LTBR: variants seen among roughly 807,000 people sequenced by gnomAD.
The protein encoded by LTBR is tumor necrosis factor receptor superfamily member 3.
In LTBR, 15 loss-of-function variants were observed where a neutral mutation model predicts 45.4. That is an observed-to-expected ratio of 0.33 (90% CI 0.22 to 0.51). The LOEUF (loss-of-function observed/expected upper bound fraction) is 0.51, where lower values mean the gene tolerates loss of function less well. Ranked by LOEUF, LTBR falls within the 20% of genes least tolerant of loss-of-function variation. The pLI is 0.97. For missense variants in LTBR, 450 were observed against 565.5 expected (o/e 0.80, Z 2.07); for synonymous variants, 228 against 231.0 (o/e 0.99, Z 0.12).
At position 6,386,296 on chromosome 12, in the gene LTBR, A is replaced by G; in HGVS notation, c.570-51A>G. ...TCCCCGCCTGCCCAGTGGAGTCGGG[A>G]CACTGGTGGGCCAGGGCGTGAAAAG... On this transcript the variant is annotated intron_variant, in intron 5 of 9. Coordinates refer to ENST00000228918, the MANE Select transcript of LTBR (RefSeq NM_002342.3). This position sits in a 1 kb window ranked among gnomAD's most constrained non-coding sequence, Gnocchi z 4.1. The G allele has an allele frequency of 1.3e-6, 2 of 1,545,248 alleles. No individual in the cohort carries two copies. Among genetic ancestry groups the G allele is most frequent in the Non-Finnish European group, 1.8e-6 (2 of 1,119,022 alleles).
At position 6,390,285 on chromosome 12, in the gene LTBR, G is replaced by A. The variant is rs1470479134; in HGVS notation, c.975G>A (p.Leu325=). The A allele has an allele frequency of 5.0e-6, 8 of 1,613,708 alleles. No individual in the cohort carries two copies. The African/African-American group carries it at 6.7e-5, about 13-fold the overall frequency. The change falls in exon 9 of 10, where the codon CTG becomes CTA. Residue 325 remains leucine (L), a synonymous_variant. Transcript: ENST00000228918. ...GGGTGCCGCAACAGCAGAGTCCTCT[G>A]GACCTGACCAGGGAGCCGCAGTTGG... ...EAGVPQQQSP[L]DLTREPQLEP...
Position 6,386,582 on chromosome 12 carries a change from T to A in LTBR, c.667+138T>A. ...AGAAGAAAGTTCCTTACAGAAAAAA[T>A]TGGAGTATCTCTAGGCTAGTTTACA... On this transcript the variant is annotated intron_variant, in intron 6 of 9. Transcript: ENST00000228918. The surrounding 1 kb of genome is among the most constrained non-coding windows in gnomAD (Gnocchi z 4.1). 1.5e-6 allele frequency: 1 copy of A among 648,272 alleles called. No individual in the cohort carries two copies. The highest frequency in any genetic ancestry group is 2.7e-6 in the Non-Finnish European group (1 of 365,296). 40.2% of individuals were successfully genotyped at this position (648,272 alleles called of 1,614,324 possible).
At chr12:6,383,972 C>G, upstream of LTBR, 3 of 1,077,676 alleles carry the variant, frequency 2.8e-6, no homozygotes, top group Non-Finnish European at 2.3e-6. Flanking sequence ...CCGCAGTCCG[C>G]TCTCCCGATC....
At chr12:6,385,655 C>G (rs1237824131) in intron 4 of LTBR, 1 of 473,832 alleles carries the variant, frequency 2.1e-6, no homozygotes, top group Non-Finnish European at 3.8e-6. Context: ...GCCTGTAATC[C>G]CAGCACTTTG....
chr12:6,384,966 G>A (rs1049575170), intron 2 of LTBR, 56 bp from the exon 3 acceptor site: 1 of 1,608,912 alleles, frequency 6.2e-7, no homozygotes, highest in African/African-American at 1.3e-5. Flanking sequence ...TACAGGCAGC[G>A]GAGGTGAGGG....
At chr12:6,383,738 G>T (rs879742232), upstream of LTBR, among the ~76,000 whole-genome samples, 9 of 152,228 alleles carry the variant, frequency 5.9e-5, no homozygotes, top group African/African-American at 9.6e-5. Flanking sequence ...GGAGGAACCC[G>T]GGCATCTGCC....
upstream of LTBR, chr12:6,375,164 T>C (rs72645129): frequency 2.5e-3 from 3,587 of 1,459,988 alleles, 82 homozygotes; most frequent in African/African-American, 0.044. Context: ...TTTGGTCTTC[T>C]TCCTCCAGGA....
intron 2 of LTBR, 24 bp downstream of exon 2, chr12:6,384,708 C>CA (rs2136927566): frequency 1.2e-6 from 2 of 1,608,872 alleles, no homozygotes; most frequent in East Asian, 4.5e-5. Flanking sequence ...GCAGGACGAA[C>CA]CTGGGCCTCG....
At chr12:6,380,249 C>T (rs768295030), upstream of LTBR, among the ~76,000 whole-genome samples, 6 of 152,178 alleles carry the variant, frequency 3.9e-5, no homozygotes, top group Non-Finnish European at 8.8e-5. Flanking sequence ...GCATTGTCAC[C>T]ACTGAAAATG....
rs1275970891 is a variant in LTBR at position 6,386,574 on chromosome 12, A to G, written c.667+130A>G. On this transcript the variant is annotated intron_variant, in intron 6 of 9. Coordinates refer to ENST00000228918, the MANE Select transcript of LTBR (RefSeq NM_002342.3). This position sits in a 1 kb window ranked among gnomAD's most constrained non-coding sequence, Gnocchi z 4.1. ...ATTGGGCAAGAAGAAAGTTCCTTACAGAAAAAATTGGAGTATCTCTAGGCT... is the reference window on the plus strand; with the variant it reads ...ATTGGGCAAGAAGAAAGTTCCTTACGGAAAAAATTGGAGTATCTCTAGGCT... The G allele has an allele frequency of 7.2e-6, 5 of 692,430 alleles. No individual in the cohort carries two copies. Among genetic ancestry groups the G allele is most frequent in the Non-Finnish European group, 1.2e-5 (5 of 400,410 alleles). The allele number at this position is 692,430 out of a possible 1,614,324, so 42.9% of individuals were successfully genotyped here.
At chr12:6,389,852 G>T in intron 8 of LTBR, 1 of 434,272 alleles carries the variant, frequency 2.3e-6, no homozygotes, top group Non-Finnish European at 4.1e-6. Flanking sequence ...CTACTCAGGA[G>T]GCTGAGGCTA....
In LTBR at chr12:6,388,153, C is replaced by T; in HGVS notation, c.668-245C>T. 2.1e-6 allele frequency: 1 copy of T among 484,606 alleles called. No individual in the cohort carries two copies. Among genetic ancestry groups the T allele is most frequent in the Non-Finnish European group, 3.8e-6 (1 of 263,470 alleles). The allele number at this position is 484,606 out of a possible 1,614,324, so 30.0% of individuals were successfully genotyped here. ...GGCACCCACACCACCCCCAAACATG[C>T]CCATCCATGATACAGTCTCTCCTGG... On this transcript the variant is annotated intron_variant, in intron 6 of 9. Transcript: ENST00000228918. This position sits in a 1 kb window ranked among gnomAD's most constrained non-coding sequence, Gnocchi z 4.3.
Position 6,376,265 on chromosome 12 carries a change from C to T in LTBR, c.39+671C>T. ...CTGATTCCTCGCCACCCCCTCCAAC[C>T]TTGTCCAGACCCGGGAGGGGCCCAG... is the stretch of plus-strand genomic sequence containing the variant. On this transcript the variant is annotated intron_variant, in intron 1 of 9. Transcript: ENST00000539925. 8.1e-6 allele frequency: 7 copies of T among 865,470 alleles called. No homozygotes were observed. In the South Asian group the frequency reaches 3.2e-4, roughly 39 times the overall value. 53.6% of individuals were successfully genotyped at this position (865,470 alleles called of 1,614,324 possible).
intron 9 of LTBR, 96 bp from the exon 10 acceptor site, chr12:6,390,564 G>A: frequency 7.7e-7 from 1 of 1,291,812 alleles, no homozygotes; most frequent in Non-Finnish European, 1.1e-6. Flanking sequence ...AGAGGGGCGG[G>A]GCCAGGGGAA....
intron 1 of LTBR, chr12:6,377,074 G>T: frequency 1.8e-6 from 1 of 556,086 alleles, no homozygotes. Context: ...CAGAGAAGGT[G>T]TCATCTCTGC....
At chr12:6,385,175 CT>C in intron 3 of LTBR, 28 bp downstream of exon 3, 2 of 1,614,152 alleles carry the variant, frequency 1.2e-6, no homozygotes, top group Non-Finnish European at 1.7e-6. Flanking sequence ...TGCGGGGGGG[CT>C]GGATCCCCTG....
chr12:6,377,114 G>T, intron 1 of LTBR: 1 of 636,988 alleles, frequency 1.6e-6, no homozygotes, highest in South Asian at 2.3e-5. Flanking sequence ...AGTTTAGCAG[G>T]CAAAGAAGAG....
rs61761338 is a variant in LTBR, at chr12:6,386,472, G to C, written c.667+28G>C. ...GAGGGACCAGGGCTGAGGGACACGG[G>C]GGGGGCGCCTCTGAAAATGCCTTAA... On this transcript the variant is annotated intron_variant, in intron 6 of 9. Coordinates refer to ENST00000228918, the MANE Select transcript of LTBR (RefSeq NM_002342.3). The surrounding 1 kb of genome is among the most constrained non-coding windows in gnomAD (Gnocchi z 4.1). 942 of 1,564,592 alleles carry C rather than the reference G, an allele frequency of 6.0e-4. 11 individuals carry two copies. In the East Asian group the frequency reaches 0.016, roughly 27 times the overall value.
chr12:6,378,169 A>G (rs1948939416), intron 1 of LTBR, among the ~76,000 whole-genome samples: 1 of 152,214 alleles, frequency 6.6e-6, no homozygotes, highest in Non-Finnish European at 1.5e-5. Context: ...ATATCTGTCT[A>G]TATCTTTTTG....
Sources: allele counts gnomAD v4.1 joint callset (sites outside exome capture counted in the v4.1 genomes callset), GRCh38; gene constraint gnomAD v4.1.1; non-coding constraint Gnocchi (gnomAD v3.1); transcripts MANE v1.5; gene names NCBI Gene and HGNC (gene_info 2026-07-23, HGNC 2026-07-21).